Variants in ARHGAP25 observed in about 807,000 individuals in gnomAD.
ARHGAP25 encodes the protein rho GTPase-activating protein 25.
In ARHGAP25, 34 loss-of-function variants were observed where a neutral mutation model predicts 71.0. The observed-to-expected ratio is 0.48, with a 90% CI of 0.36 to 0.64. The LOEUF (loss-of-function observed/expected upper bound fraction) is 0.64, where lower values mean the gene tolerates loss of function less well. Ranked by LOEUF, ARHGAP25 falls within the 30% of genes least tolerant of loss-of-function variation. The pLI is 0.00. For synonymous variants in ARHGAP25, 282 were observed against 296.5 expected, an observed-to-expected ratio of 0.95 and a Z score of 0.50; for missense variants, 706 against 805.1, an observed-to-expected ratio of 0.88 and a Z score of 1.49.
chr2:68,786,908 C>T (rs936596227), intron 3 of ARHGAP25, among the ~76,000 whole-genome samples: 1 of 152,214 alleles, frequency 6.6e-6, no homozygotes, highest in Non-Finnish European at 1.5e-5. Context: ...AAAGGGATCA[C>T]TATTGTTTTC....
intron 3 of ARHGAP25, among the ~76,000 whole-genome samples, chr2:68,782,764 A>G (rs1355843434): frequency 1.3e-5 from 2 of 152,248 alleles, no homozygotes; most frequent in Non-Finnish European, 2.9e-5. Context: ...GCAGCCTCAG[A>G]TGGTTCCACC....
intron 1 of ARHGAP25, among the ~76,000 whole-genome samples, chr2:68,768,112 A>C (rs889232010): frequency 1.3e-5 from 2 of 152,212 alleles, no homozygotes; most frequent in African/African-American, 4.8e-5. Context: ...CTAGTTGTTA[A>C]CTGGAGCAGA....
At chr2:68,788,051 A>T in intron 4 of ARHGAP25, 95 bp downstream of exon 4, 1 of 981,138 alleles carries the variant, frequency 1.0e-6, no homozygotes. Context: ...GCAGTGCTCA[A>T]GGGAGACAAC....
chr2:68,725,137 C>A (rs149562816), intron 2 of ARHGAP25, among the ~76,000 whole-genome samples: 2 of 152,092 alleles, frequency 1.3e-5, no homozygotes, highest in South Asian at 4.1e-4. Context: ...GAGGCTGGTG[C>A]CTTGCTCCCT....
chr2:68,802,468 C>G (rs539423869), intron 4 of ARHGAP25, among the ~76,000 whole-genome samples: 1 of 147,730 alleles, frequency 6.8e-6, no homozygotes, highest in African/African-American at 2.5e-5. Context: ...AAGAGTGTTG[C>G]GGATAATTCT....
chr2:68,793,863 G>C (rs1679362579), intron 4 of ARHGAP25, among the ~76,000 whole-genome samples: 1 of 152,054 alleles, frequency 6.6e-6, no homozygotes, highest in Non-Finnish European at 1.5e-5. Context: ...ATTGCTTTGG[G>C]TAGTATGATT....
At chr2:68,733,212 T>A (rs536632455), upstream of ARHGAP25, among the ~76,000 whole-genome samples, 1 of 152,228 alleles carries the variant, frequency 6.6e-6, no homozygotes, top group East Asian at 1.9e-4. Context: ...GACAGAGGGC[T>A]CAGAGTTGGA....
intron 9 of ARHGAP25, 25 bp downstream of exon 9, chr2:68,819,344 T>G: frequency 6.2e-7 from 1 of 1,610,818 alleles, no homozygotes; most frequent in Non-Finnish European, 8.5e-7. Context: ...ACCTTCCTGC[T>G]TCCATTGGGT....
In ARHGAP25 at chr2:68,787,883, C is replaced by A. The variant is rs1678868554; in HGVS notation, c.393C>A (p.Leu131=). ...GCATGGGACAGGACTCCTATGTCCT[C>A]ATGGCCAGCTCTCAGGCGGAGATGG... ...QNRMGQDSYV[L]MASSQAEMEE... is the part of the protein sequence containing the mutation. Residue 131 remains leucine (L), a synonymous_variant, in exon 4 of 11, where the codon CTC becomes CTA. Coordinates refer to ENST00000409202, the MANE Select transcript of ARHGAP25 (RefSeq NM_001007231.3). 1 of 1,614,222 alleles carries A rather than the reference C, an allele frequency of 6.2e-7. No homozygotes were observed. The highest frequency in any genetic ancestry group is 1.6e-4 in the Middle Eastern group (1 of 6,062).
At chr2:68,718,021 A>T (rs1016942001) in intron 2 of ARHGAP25, among the ~76,000 whole-genome samples, 1 of 152,162 alleles carries the variant, frequency 6.6e-6, no homozygotes, top group South Asian at 2.1e-4. Flanking sequence ...CAGATAATTC[A>T]CTTGGTGGGA....
At chr2:68,811,513 A>G (rs1680813102) in intron 5 of ARHGAP25, among the ~76,000 whole-genome samples, 1 of 152,200 alleles carries the variant, frequency 6.6e-6, no homozygotes, top group African/African-American at 2.4e-5. Context: ...TCAGCAGGGA[A>G]GGATTTTCCA....
At position 68,787,848 on chromosome 2, in the gene ARHGAP25, G is replaced by T. The variant is rs1393350118; in HGVS notation, c.358G>T (p.Asp120Tyr). The T allele has an allele frequency of 6.2e-7, 1 of 1,614,072 alleles. No individual in the cohort carries two copies. The highest frequency in any genetic ancestry group is 1.7e-5 in the Admixed American group (1 of 60,028). Reference sequence around the variant, plus strand: ...GCTAATTCTTCCTCCAGCCTCATGGGACCAGAATCGCATGGGACAGGACTC... The same window carrying T: ...GCTAATTCTTCCTCCAGCCTCATGGTACCAGAATCGCATGGGACAGGACTC... ...FVFEIIPASW[D>Y]QNRMGQDSYV... Residue 120 changes from aspartate to tyrosine, a missense_variant, in exon 4 of 11, where the codon GAC becomes TAC. Coordinates refer to ENST00000409202, the MANE Select transcript of ARHGAP25 (RefSeq NM_001007231.3).
At chr2:68,804,463 G>A (rs10496167) in intron 4 of ARHGAP25, among the ~76,000 whole-genome samples, 29,306 of 152,178 alleles carry the variant, frequency 0.19, 2,880 homozygotes, top group East Asian at 0.33. Flanking sequence ...TCAATTTGGT[G>A]AAAAGATCTG....
chr2:68,772,374 G>T (rs977663461), intron 1 of ARHGAP25, among the ~76,000 whole-genome samples: 1 of 152,210 alleles, frequency 6.6e-6, no homozygotes, highest in African/African-American at 2.4e-5. Flanking sequence ...CAGAAGCCAA[G>T]TAAAGGTTCC....
At chr2:68,771,986 G>A (rs1286674051) in intron 1 of ARHGAP25, among the ~76,000 whole-genome samples, 2 of 152,182 alleles carry the variant, frequency 1.3e-5, no homozygotes, top group Admixed American at 6.5e-5. Flanking sequence ...TAAGATCCTC[G>A]CACTTACTCC....
intron 2 of ARHGAP25, among the ~76,000 whole-genome samples, chr2:68,728,041 A>G (rs12472382): frequency 0.52 from 78,990 of 151,750 alleles, 21,388 homozygotes; most frequent in East Asian, 0.69. Context: ...AATGTACATC[A>G]GAAAGATTAA....
intron 2 of ARHGAP25, among the ~76,000 whole-genome samples, chr2:68,779,366 A>G (rs1264159343): frequency 6.6e-6 from 1 of 152,242 alleles, no homozygotes. Context: ...TAACCACAAC[A>G]GCAGAAATGA....
At chr2:68,738,613 C>T (rs1675341565) in intron 1 of ARHGAP25, among the ~76,000 whole-genome samples, 3 of 151,964 alleles carry the variant, frequency 2.0e-5, no homozygotes, top group African/African-American at 7.3e-5. Context: ...AGATAAAGGT[C>T]CCCGATAGAT....
chr2:68,805,868 G>C (rs1247500836), intron 4 of ARHGAP25, among the ~76,000 whole-genome samples: 3 of 152,294 alleles, frequency 2.0e-5, no homozygotes, highest in African/African-American at 7.2e-5. Context: ...GCAGAGCCCT[G>C]ATTATGGCAG....
Sources: gnomAD v4.1 joint callset for allele counts (sites outside exome capture counted in the v4.1 genomes callset) on GRCh38, gnomAD v4.1.1 for gene constraint, MANE v1.5 for transcripts, NCBI Gene and HGNC (gene_info 2026-07-23, HGNC 2026-07-21) for gene names.